PHYHIPL: variants seen among roughly 807,000 people sequenced by gnomAD.
PHYHIPL encodes phytanoyl-CoA hydroxylase-interacting protein-like.
In PHYHIPL, 9 loss-of-function variants were observed where a neutral mutation model predicts 33.4. The observed-to-expected ratio is 0.27, with a 90% CI of 0.16 to 0.47. The LOEUF (loss-of-function observed/expected upper bound fraction) is 0.47, where lower values mean the gene tolerates loss of function less well. PHYHIPL is among the 20% of genes least tolerant of loss of function. The probability of loss-of-function intolerance (pLI) is 0.99; values close to 1 mark genes in which losing one functional copy is unlikely to be tolerated. For missense variants in PHYHIPL, 365 were observed against 460.7 expected, an observed-to-expected ratio of 0.79 and a Z score of 1.90; for synonymous variants, 153 against 154.1, an observed-to-expected ratio of 0.99 and a Z score of 0.05.
intron 1 of PHYHIPL, among the ~76,000 whole-genome samples, chr10:59,199,118 T>C (rs1457608147): frequency 6.6e-6 from 1 of 152,186 alleles, no homozygotes; most frequent in South Asian, 2.1e-4. Context: ...GTTTTAGACA[T>C]GAAGTCCTTG....
chr10:59,242,236 C>A (rs1456446600), intron 4 of PHYHIPL, among the ~76,000 whole-genome samples: 2 of 152,126 alleles, frequency 1.3e-5, no homozygotes, highest in Non-Finnish European at 2.9e-5. Flanking sequence ...TAATGAGACA[C>A]CCCTTCTCTC....
In PHYHIPL at chr10:59,185,686, G is replaced by A. The variant is rs1288267005; in HGVS notation, c.106+8727G>A. ...CTGGTGTGAGATGGTATCTCATTGT[G>A]GTTTTGATTTGCATTTCTCTGATGG... On this transcript the variant is annotated intron_variant, in intron 1 of 4. Transcript: ENST00000373880. 2.0e-5 allele frequency among the ~76,000 whole-genome samples: 3 copies of A among 152,130 alleles called. No individual in the cohort carries two copies. The East Asian group carries it at 5.8e-4, about 29-fold the overall frequency.
intron 1 of PHYHIPL, among the ~76,000 whole-genome samples, chr10:59,200,024 T>G (rs951504095): frequency 2.6e-5 from 4 of 152,206 alleles, no homozygotes; most frequent in Non-Finnish European, 5.9e-5. Flanking sequence ...TGACTTCCTC[T>G]TTTCCTAATT....
chr10:59,216,592 GT>G (rs1839619284), intron 1 of PHYHIPL, among the ~76,000 whole-genome samples: 1 of 152,054 alleles, frequency 6.6e-6, no homozygotes, highest in African/African-American at 2.4e-5. Context: ...TAGGTAGCAT[GT>G]TCTAAACCTC....
rs1208662671 is a variant in PHYHIPL at position 59,176,801 on chromosome 10, C to G, written c.-53C>G. The G allele has an allele frequency of 9.9e-6, 15 of 1,512,862 alleles. No individual in the cohort carries two copies. The highest frequency in any genetic ancestry group is 1.9e-5 in the Admixed American group (1 of 53,284). The allele number at this position is 1,512,862 out of a possible 1,614,324, so 93.7% of individuals were successfully genotyped here. On this transcript the variant is annotated 5_prime_UTR_variant, in exon 1 of 5. Coordinates refer to ENST00000373880, the MANE Select transcript of PHYHIPL (RefSeq NM_032439.4). ...TTCCCGCTCTTCTTGCCCACCCGGC[C>G]GGCAGAGAGAGCCTGGATACGAAGC...
chr10:59,180,261 C>T (rs1265808271), intron 1 of PHYHIPL, among the ~76,000 whole-genome samples: 18 of 142,274 alleles, frequency 1.3e-4, no homozygotes, highest in African/African-American at 4.7e-4. Flanking sequence ...TATATATACA[C>T]ACACACACAC....
At chr10:59,223,573 CA>C (rs982391761) in intron 1 of PHYHIPL, among the ~76,000 whole-genome samples, 1 of 151,674 alleles carries the variant, frequency 6.6e-6, no homozygotes, top group African/African-American at 2.4e-5. Context: ...GATGGGAAAC[CA>C]CTGAATAATG....
intron 1 of PHYHIPL, among the ~76,000 whole-genome samples, chr10:59,192,127 T>C (rs1403516196): frequency 6.6e-6 from 1 of 152,124 alleles, no homozygotes; most frequent in African/African-American, 2.4e-5. Context: ...CATGGTGCCA[T>C]TTTGTGCACT....
rs1838277307 is a variant in PHYHIPL, at chr10:59,177,234, G to T, written c.106+275G>T. 2.8e-5 allele frequency: 16 copies of T among 580,840 alleles called. No homozygotes were observed. In the South Asian group the frequency reaches 3.5e-4, roughly 13 times the overall value. The allele number at this position is 580,840 out of a possible 1,614,324, so 36.0% of individuals were successfully genotyped here. A position where few individuals can be genotyped will look rare whatever the true frequency, so the allele number is the denominator to read the frequency against. On this transcript the variant is annotated intron_variant, in intron 1 of 4. Transcript: ENST00000373880. ...CCCGCCTGGCCCGGACGAGGGCGACGTTCCCGCTCGCGGCTCCTGCCCCGA... is the reference window on the plus strand; with the variant it reads ...CCCGCCTGGCCCGGACGAGGGCGACTTTCCCGCTCGCGGCTCCTGCCCCGA...
intron 1 of PHYHIPL, among the ~76,000 whole-genome samples, chr10:59,233,827 G>A (rs1840147503): frequency 6.6e-6 from 1 of 151,746 alleles, no homozygotes; most frequent in Non-Finnish European, 1.5e-5. Flanking sequence ...ACGGTCTTCA[G>A]TATTATTTGT....
Position 59,234,457 on chromosome 10 carries a change from T to C in PHYHIPL, c.260T>C (p.Leu87Pro). 6.4e-7 allele frequency: 1 copy of C among 1,574,752 alleles called. No homozygotes were observed. The highest frequency in any genetic ancestry group is 2.3e-5 in the East Asian group (1 of 43,038). The change falls in exon 2 of 5, where the codon CTC becomes CCC. Residue 87 changes from leucine to proline, a missense_variant. By Grantham distance (98) the Leu-to-Pro change is moderately conservative. This residue lies in a region of PHYHIPL where 63 missense variants were observed against 119.3 expected (regional missense o/e 0.53). Coordinates refer to ENST00000373880, the MANE Select transcript of PHYHIPL (RefSeq NM_032439.4). Reference sequence around the variant, plus strand: ...CGCATTACACACTATTTTATTGACCTCAACAAGAAAGAGAACAAGAACTCC... The same window carrying C: ...CGCATTACACACTATTTTATTGACCCCAACAAGAAAGAGAACAAGAACTCC... ...KDRITHYFID[L>P]NKKENKNSNK... is the part of the protein sequence containing the mutation.
intron 1 of PHYHIPL, among the ~76,000 whole-genome samples, chr10:59,199,251 A>G (rs1839022232): frequency 6.6e-6 from 1 of 152,136 alleles, no homozygotes; most frequent in Non-Finnish European, 1.5e-5. Flanking sequence ...TAAGGAAGGG[A>G]TCCAGTTTCA....
intron 1 of PHYHIPL, among the ~76,000 whole-genome samples, chr10:59,228,806 C>G (rs1302440932): frequency 6.6e-6 from 1 of 152,140 alleles, no homozygotes; most frequent in African/African-American, 2.4e-5. Flanking sequence ...TAACTACCAT[C>G]ATTACCTTTG....
chr10:59,176,460 C>T (rs1280446599), upstream of PHYHIPL: 2 of 154,954 alleles, frequency 1.3e-5, no homozygotes, highest in Non-Finnish European at 2.9e-5. Flanking sequence ...GGCTGGAGGG[C>T]AGGTGGGGGC....
chr10:59,179,838 C>A (rs954954842), intron 1 of PHYHIPL, among the ~76,000 whole-genome samples: 1 of 130,310 alleles, frequency 7.7e-6, no homozygotes, highest in Non-Finnish European at 1.6e-5. Context: ...TTAAGCAAGA[C>A]AGTTACACAC....
chr10:59,199,489 G>A (rs190784535), intron 1 of PHYHIPL, among the ~76,000 whole-genome samples: 33 of 152,212 alleles, frequency 2.2e-4, no homozygotes, highest in African/African-American at 4.3e-4. Context: ...GTCAGGTAGC[G>A]TGATGCCTCC....
intron 1 of PHYHIPL, among the ~76,000 whole-genome samples, chr10:59,188,252 C>A (rs1041572456): frequency 6.6e-6 from 1 of 152,130 alleles, no homozygotes. Context: ...ACAGGTTGTT[C>A]GTTTTTCATG....
chr10:59,216,656 A>G (rs1176478638), intron 1 of PHYHIPL, among the ~76,000 whole-genome samples: 4 of 152,118 alleles, frequency 2.6e-5, no homozygotes, highest in Non-Finnish European at 4.4e-5. Context: ...ATTTGCCACT[A>G]TGCACTTTAT....
intron 1 of PHYHIPL, among the ~76,000 whole-genome samples, chr10:59,219,425 C>T (rs1839701887): frequency 6.6e-6 from 1 of 152,116 alleles, no homozygotes; most frequent in East Asian, 1.9e-4. Flanking sequence ...AAATGAGGTT[C>T]ACTGACTAGT....
Sources: allele counts gnomAD v4.1 joint callset (sites outside exome capture counted in the v4.1 genomes callset), GRCh38; gene constraint gnomAD v4.1.1; regional missense constraint gnomAD v4.1.1; transcripts MANE v1.5; gene names NCBI Gene and HGNC (gene_info 2026-07-23, HGNC 2026-07-21).